Variants in NBPF12 observed in about 807,000 individuals in gnomAD.
The protein encoded by NBPF12 is NBPF family member NBPF12.
Under a neutral mutation model 146.4 loss-of-function variants are expected in NBPF12, and 115 were observed. The observed-to-expected ratio is 0.79, with a 90% confidence interval of 0.68 to 0.92. NBPF12 has a LOEUF of 0.92. Ranked by LOEUF, NBPF12 falls within the 40% of genes least tolerant of loss-of-function variation. The probability of loss-of-function intolerance (pLI) is 0.00; values close to 1 mark genes in which losing one functional copy is unlikely to be tolerated. For synonymous variants in NBPF12, 385 were observed against 508.9 expected (o/e 0.76, Z 3.28); for missense variants, 1,205 against 1,326.8 (o/e 0.91, Z 1.43).
upstream of NBPF12, among the ~76,000 whole-genome samples, chr1:146,938,394 C>A (rs1654627695): frequency 6.6e-6 from 1 of 152,080 alleles, no homozygotes. Flanking sequence ...CTCCAGGCTT[C>A]CGAGGGGGTG....
At chr1:146,973,041 C>G in intron 14 of NBPF12, 81 bp downstream of exon 17, 1 of 770,348 alleles carries the variant, frequency 1.3e-6, no homozygotes. Flanking sequence ...CTCTCTCCAT[C>G]AAAAATAATG....
At chr1:146,939,282 G>T (rs1654684967) in intron 1 of NBPF12, among the ~76,000 whole-genome samples, 1 of 152,010 alleles carries the variant, frequency 6.6e-6, no homozygotes, top group African/African-American at 2.4e-5. Flanking sequence ...GCACGTCTTC[G>T]GAAGTCCTGT....
At chr1:146,962,251 C>T in exon 5 of NBPF12, 1 of 1,605,000 alleles carries the variant, frequency 6.2e-7, no homozygotes, top group South Asian at 1.1e-5. Context: ...CTGAAACAAG[C>T]TGAGGAGCTC....
exon 13 of NBPF12, chr1:146,971,336 G>C: frequency 1.2e-6 from 2 of 1,611,952 alleles, no homozygotes; most frequent in Non-Finnish European, 1.7e-6. Context: ...ACTCATCTCT[G>C]GTTGTAGACA....
At chr1:146,964,551 A>G in intron 7 of NBPF12, 122 bp downstream of exon 10, 2 of 1,525,110 alleles carry the variant, frequency 1.3e-6, no homozygotes, top group Non-Finnish European at 1.8e-6. Flanking sequence ...CAGTATGTGA[A>G]ATTCAACCCA....
chr1:146,982,581 A>G (rs1379868186), intron 19 of NBPF12, among the ~76,000 whole-genome samples: 7 of 152,102 alleles, frequency 4.6e-5, no homozygotes, highest in Non-Finnish European at 8.8e-5. Flanking sequence ...TCTTGACTTG[A>G]ATGCTGCGTG....
intron 13 of NBPF12, among the ~76,000 whole-genome samples, chr1:146,972,429 A>T (rs1656709196): frequency 6.6e-6 from 1 of 151,400 alleles, no homozygotes; most frequent in African/African-American, 2.4e-5. Flanking sequence ...GAAAAAAATT[A>T]AAAAAGCAAA....
chr1:146,982,448 G>A (rs1267553545), intron 19 of NBPF12, among the ~76,000 whole-genome samples: 1 of 150,566 alleles, frequency 6.6e-6, no homozygotes, highest in South Asian at 2.2e-4. Context: ...CCATTTGTTG[G>A]TAGTATGTTG....
chr1:146,982,424 T>C (rs1471706870), intron 19 of NBPF12, among the ~76,000 whole-genome samples: 2 of 150,694 alleles, frequency 1.3e-5, no homozygotes, highest in Non-Finnish European at 3.0e-5. Flanking sequence ...GAGAGATGTA[T>C]ATATGCTTTC....
At chr1:146,989,523 T>C in intron 27 of NBPF12, 51 bp from the exon 31 acceptor site, 1 of 1,249,512 alleles carries the variant, frequency 8.0e-7, no homozygotes, top group Non-Finnish European at 1.2e-6. Flanking sequence ...GCTGGGGCTG[T>C]GTGATTTCTG....
intron 14 of NBPF12, among the ~76,000 whole-genome samples, chr1:146,974,442 C>T (rs1450903395): frequency 3.0e-5 from 4 of 132,516 alleles, no homozygotes; most frequent in African/African-American, 8.9e-5. Context: ...AAAGTGGCCC[C>T]GAATTCAGAG....
At chr1:146,995,960 G>C (rs1160460272) in exon 34 of NBPF12, 2 of 149,928 alleles carry the variant, frequency 1.3e-5, no homozygotes, top group African/African-American at 5.0e-5. Flanking sequence ...GCAAATTTTG[G>C]GTCTCAATTT....
chr1:146,955,045 TGATAA>T (rs1221894068), intron 2 of NBPF12, among the ~76,000 whole-genome samples: 1 of 101,908 alleles, frequency 9.8e-6, no homozygotes, highest in Non-Finnish European at 2.0e-5. Flanking sequence ...TATTGCAGTC[TGATAA>T]GATAAACAGC....
chr1:146,938,459 C>T (rs1323743032), upstream of NBPF12, among the ~76,000 whole-genome samples: 730 of 152,146 alleles, frequency 4.8e-3, 14 homozygotes, highest in African/African-American at 0.016. Context: ...GGGAAATCGG[C>T]GAATTGCAGG....
chr1:146,981,586 T>C (rs1414574566), intron 19 of NBPF12, among the ~76,000 whole-genome samples: 1 of 151,866 alleles, frequency 6.6e-6, no homozygotes, highest in Non-Finnish European at 1.5e-5. Flanking sequence ...GTTTCCTGAA[T>C]TTGAATGTTG....
chr1:146,984,062 G>A (rs1232674052), intron 20 of NBPF12, 72 bp from the exon 24 acceptor site: 2 of 681,312 alleles, frequency 2.9e-6, no homozygotes, highest in African/African-American at 1.9e-5. Flanking sequence ...TGTTAGGATT[G>A]GACAGAGGAA....
intron 31 of NBPF12, among the ~76,000 whole-genome samples, chr1:146,992,373 T>A (rs1231000909): frequency 7.1e-6 from 1 of 140,088 alleles, no homozygotes; most frequent in Non-Finnish European, 1.5e-5. Context: ...CTGAGGGCAC[T>A]AACTCAGAGT....
chr1:146,971,798 G>C (rs1656636139), intron 13 of NBPF12, among the ~76,000 whole-genome samples: 2 of 150,626 alleles, frequency 1.3e-5, no homozygotes, highest in Non-Finnish European at 2.9e-5. Context: ...AAGAAGTCTT[G>C]GCCAGGCGCG....
exon 5 of NBPF12, chr1:146,962,186 A>T: frequency 1.2e-6 from 2 of 1,608,858 alleles, no homozygotes; most frequent in South Asian, 1.1e-5. Flanking sequence ...AAGACCTCAT[A>T]AAATTTATGC....
Sources: gnomAD v4.1 joint callset for allele counts (sites outside exome capture counted in the v4.1 genomes callset) on GRCh38, gnomAD v4.1.1 for gene constraint, MANE v1.5 for transcripts, NCBI Gene and HGNC (gene_info 2026-07-23, HGNC 2026-07-21) for gene names.